Variants in MYO1D observed in about 807,000 individuals in gnomAD.
The protein encoded by MYO1D is unconventional myosin-Id.
MYO1D carries 83 observed loss-of-function variants against 122.0 expected under a neutral mutation model. The observed-to-expected ratio is 0.68, with a 90% CI of 0.57 to 0.82. The LOEUF is 0.82. Among genes scored for constraint, MYO1D ranks in the 40% least tolerant of loss-of-function variants. The probability of loss-of-function intolerance (pLI) is 0.00; values close to 1 mark genes in which losing one functional copy is unlikely to be tolerated. For missense variants in MYO1D, 1,157 were observed against 1,269.5 expected, an observed-to-expected ratio of 0.91 and a Z score of 1.35; for synonymous variants, 464 against 446.9, an observed-to-expected ratio of 1.04 and a Z score of -0.48.
intron 1 of MYO1D, among the ~76,000 whole-genome samples, chr17:32,818,291 T>C (rs1381675787): frequency 6.6e-6 from 1 of 152,072 alleles, no homozygotes; most frequent in Non-Finnish European, 1.5e-5. Flanking sequence ...GTTCAAACTG[T>C]GGATCGCTGC....
intron 20 of MYO1D, among the ~76,000 whole-genome samples, chr17:32,607,578 C>T (rs79281651): frequency 0.04 from 6,016 of 152,018 alleles, 175 homozygotes; most frequent in East Asian, 0.15. Context: ...CTTAAGATAC[C>T]AATTTTTCCC....
chr17:32,565,514 G>A (rs1401934331), intron 21 of MYO1D, among the ~76,000 whole-genome samples: 9 of 152,152 alleles, frequency 5.9e-5, no homozygotes, highest in Non-Finnish European at 1.0e-4. Context: ...TCGATCATCT[G>A]CTTTGTCACC....
intron 3 of MYO1D, 109 bp from the exon 4 acceptor site, chr17:32,776,138 T>A (rs2090169702): frequency 2.2e-6 from 2 of 897,294 alleles, no homozygotes; most frequent in South Asian, 1.7e-5. Context: ...AGATGCTAAC[T>A]CCAGCACTGT....
Position 32,600,261 on chromosome 17 carries a change from G to A in MYO1D, c.2864+4826C>T, listed in dbSNP as rs375606890. Among the ~76,000 whole-genome samples the A allele has an allele frequency of 3.3e-4, 50 of 152,296 alleles. 2 individuals are homozygous for A. Among genetic ancestry groups the A allele is most frequent in the Admixed American group, 2.4e-3 (37 of 15,296 alleles). ...AGAGCACAGGCAGAGTAGATTTTGT[G>A]TAATTTTAAGGGCCCTGGGATTTTT... On this transcript the variant is annotated intron_variant, in intron 21 of 21. Coordinates refer to ENST00000318217, the MANE Select transcript of MYO1D (RefSeq NM_015194.3).
intron 16 of MYO1D, among the ~76,000 whole-genome samples, chr17:32,709,442 GGT>G (rs2089348521): frequency 6.6e-6 from 1 of 151,964 alleles, no homozygotes; most frequent in Non-Finnish European, 1.5e-5. Flanking sequence ...GAGATCCAAG[GGT>G]AAGGACTCCA....
intron 1 of MYO1D, among the ~76,000 whole-genome samples, chr17:32,839,646 G>C (rs1262576722): frequency 6.6e-6 from 1 of 152,156 alleles, no homozygotes; most frequent in African/African-American, 2.4e-5. Context: ...TCACCCTATA[G>C]GAAGAGATTA....
At chr17:32,633,548 T>G (rs2088052222) in intron 20 of MYO1D, among the ~76,000 whole-genome samples, 1 of 152,166 alleles carries the variant, frequency 6.6e-6, no homozygotes, top group Admixed American at 6.5e-5. Context: ...CTTTTTCTTC[T>G]CTTTCTCCTC....
intron 14 of MYO1D, 88 bp downstream of exon 14, chr17:32,738,165 T>C (rs1567617986): frequency 8.3e-7 from 1 of 1,209,712 alleles, no homozygotes; most frequent in South Asian, 2.0e-5. Context: ...CATGATTACC[T>C]AAAAAGCAAA....
At chr17:32,792,047 A>ATAG (rs1412473986) in intron 1 of MYO1D, among the ~76,000 whole-genome samples, 4 of 152,208 alleles carry the variant, frequency 2.6e-5, no homozygotes, top group Non-Finnish European at 5.9e-5. Context: ...TTATGGCTTC[A>ATAG]TAGTATTCCA....
At chr17:32,846,207 G>A (rs1471935325) in intron 1 of MYO1D, among the ~76,000 whole-genome samples, 3 of 152,234 alleles carry the variant, frequency 2.0e-5, no homozygotes, top group Non-Finnish European at 1.5e-5. Flanking sequence ...AAGACAAAAA[G>A]TTAGCTGATA....
intron 16 of MYO1D, among the ~76,000 whole-genome samples, chr17:32,705,661 A>G (rs2089298078): frequency 6.6e-6 from 1 of 152,202 alleles, no homozygotes; most frequent in Non-Finnish European, 1.5e-5. Context: ...CACAGTTTGT[A>G]TCTCTCTAAG....
intron 20 of MYO1D, among the ~76,000 whole-genome samples, chr17:32,638,426 A>G (rs980769643): frequency 6.6e-6 from 1 of 152,226 alleles, no homozygotes; most frequent in Admixed American, 6.5e-5. Flanking sequence ...CCTTATGAAA[A>G]CAAATAAGAA....
rs374072436 is a variant in MYO1D, at chr17:32,820,355, C to T, written c.96-39571G>A. ...GCATATTCACATTAGTCTCAAGATA[C>T]GAAAGAATCAAAGTGTCTGTTGACA... On this transcript the variant is annotated intron_variant, in intron 1 of 21. Coordinates refer to ENST00000318217, the MANE Select transcript of MYO1D (RefSeq NM_015194.3). 3.6e-4 allele frequency among the ~76,000 whole-genome samples: 54 copies of T among 152,102 alleles called. 1 individual carries two copies. In the South Asian group the frequency reaches 0.011, roughly 30 times the overall value.
At chr17:32,874,606 T>C (rs1207826675) in intron 1 of MYO1D, among the ~76,000 whole-genome samples, 1 of 152,082 alleles carries the variant, frequency 6.6e-6, no homozygotes, top group African/African-American at 2.4e-5. Context: ...TCTCCTAGAG[T>C]ACCTTGCACA....
intron 21 of MYO1D, among the ~76,000 whole-genome samples, chr17:32,582,474 G>C (rs1286888826): frequency 2.6e-5 from 4 of 152,188 alleles, no homozygotes; most frequent in African/African-American, 9.6e-5. Flanking sequence ...TTTTTCCAGG[G>C]ATCTTTTTGC....
At chr17:32,730,971 A>G (rs1598047321) in intron 14 of MYO1D, among the ~76,000 whole-genome samples, 1 of 149,882 alleles carries the variant, frequency 6.7e-6, no homozygotes, top group East Asian at 2.0e-4. Context: ...CAGTGGCACA[A>G]TTTTGGCTCA....
At chr17:32,511,997 C>T (rs544460183) in intron 21 of MYO1D, among the ~76,000 whole-genome samples, 8 of 152,058 alleles carry the variant, frequency 5.3e-5, no homozygotes, top group African/African-American at 1.9e-4. Context: ...ACACTGGGGA[C>T]ATATATATTA....
chr17:32,875,722 G>A (rs189586402), intron 1 of MYO1D, among the ~76,000 whole-genome samples: 6 of 152,152 alleles, frequency 3.9e-5, no homozygotes, highest in African/African-American at 4.8e-5. Flanking sequence ...ATTGACAGGG[G>A]TAGTTAATAA....
chr17:32,596,477 C>T (rs2087494137), intron 21 of MYO1D, among the ~76,000 whole-genome samples: 1 of 152,176 alleles, frequency 6.6e-6, no homozygotes, highest in Non-Finnish European at 1.5e-5. Flanking sequence ...TGTACTGCCG[C>T]GGCAGTGACA....
Sources: gnomAD v4.1 joint callset for allele counts (sites outside exome capture counted in the v4.1 genomes callset) on GRCh38, gnomAD v4.1.1 for gene constraint, MANE v1.5 for transcripts, NCBI Gene and HGNC (gene_info 2026-07-23, HGNC 2026-07-21) for gene names.